The following SWAP70 variants were observed in gnomAD, a reference collection of about 807,000 sequenced individuals.
The protein encoded by SWAP70 is switching B cell complex subunit SWAP70.
SWAP70 carries 34 observed loss-of-function variants against 80.2 expected under a neutral mutation model. The ratio of observed to expected loss-of-function variants is 0.42; its 90% confidence interval spans 0.32 to 0.56. The LOEUF (loss-of-function observed/expected upper bound fraction) is 0.56. Ranked by LOEUF, SWAP70 falls within the 20% of genes least tolerant of loss-of-function variation. The pLI is 0.09. For missense variants in SWAP70, 578 were observed against 690.7 expected, an observed-to-expected ratio of 0.84 and a Z score of 1.83; for synonymous variants, 239 against 238.5, an observed-to-expected ratio of 1.00 and a Z score of -0.02.
At chr11:9,672,951 G>A (rs952214960) in intron 1 of SWAP70, among the ~76,000 whole-genome samples, 2 of 151,922 alleles carry the variant, frequency 1.3e-5, no homozygotes, top group African/African-American at 4.8e-5. Context: ...TTTTTTCTCT[G>A]CTCTCACACC....
At chr11:9,720,635 T>C (rs1023555573) in intron 3 of SWAP70, among the ~76,000 whole-genome samples, 3 of 152,164 alleles carry the variant, frequency 2.0e-5, no homozygotes, top group Non-Finnish European at 4.4e-5. Flanking sequence ...AACTTCGACT[T>C]GTGCCTGTAT....
At chr11:9,671,841 AAT>A (rs1294006023) in intron 1 of SWAP70, among the ~76,000 whole-genome samples, 1 of 105,298 alleles carries the variant, frequency 9.5e-6, no homozygotes, top group Non-Finnish European at 1.7e-5. Flanking sequence ...AATAATATAT[AAT>A]ATATAAAATA....
At chr11:9,668,168 C>G (rs186377916) in intron 1 of SWAP70, among the ~76,000 whole-genome samples, 1 of 152,204 alleles carries the variant, frequency 6.6e-6, no homozygotes, top group African/African-American at 2.4e-5. Context: ...GGATTATAGG[C>G]GTGAGCCACC....
intron 6 of SWAP70, among the ~76,000 whole-genome samples, chr11:9,730,594 T>A (rs1851284846): frequency 6.6e-6 from 1 of 152,164 alleles, no homozygotes; most frequent in African/African-American, 2.4e-5. Context: ...TTTTCCCTTT[T>A]AAGGACTGTG....
chr11:9,665,834 A>AT (rs1461942237), intron 1 of SWAP70, among the ~76,000 whole-genome samples: 1 of 151,778 alleles, frequency 6.6e-6, no homozygotes, highest in Non-Finnish European at 1.5e-5. Flanking sequence ...TTTTACTTTT[A>AT]TTTTTACTTT....
chr11:9,710,996 T>TTTTATTTA (rs71034734), intron 2 of SWAP70, among the ~76,000 whole-genome samples: 30,400 of 148,854 alleles, frequency 0.2, 4,188 homozygotes, highest in Non-Finnish European at 0.3. Flanking sequence ...TGTTTTTTAT[T>TTTTATTTA]TTTATTTATT....
intron 2 of SWAP70, among the ~76,000 whole-genome samples, chr11:9,695,223 G>T (rs1850740267): frequency 6.6e-6 from 1 of 151,960 alleles, no homozygotes; most frequent in African/African-American, 2.4e-5. Context: ...GAACCCGGGA[G>T]GTAGAGCTTG....
intron 7 of SWAP70, among the ~76,000 whole-genome samples, chr11:9,737,881 C>CA (rs1851383911): frequency 6.6e-6 from 1 of 152,140 alleles, no homozygotes. Context: ...GGCGACAGAG[C>CA]AAGACTCAGT....
In SWAP70 at chr11:9,713,588, T is replaced by A. The variant is rs1428301821; in HGVS notation, c.363T>A (p.Ile121=). ...AAGATGCATTTAAAATATGGGTTAT[T>A]TTCAACTTTTTATCTGAGGACAAGT... ...TEEDAFKIWV[I]FNFLSEDKYP... Residue 121 remains isoleucine, a synonymous_variant, in exon 3 of 12, where the codon ATT becomes ATA. Transcript: ENST00000318950. The A allele has an allele frequency of 1.2e-6, 2 of 1,613,940 alleles. No homozygotes were observed. Among genetic ancestry groups the A allele is most frequent in the Non-Finnish European group, 1.7e-6 (2 of 1,179,948 alleles).
At chr11:9,734,748 A>T (rs1851342883) in intron 7 of SWAP70, among the ~76,000 whole-genome samples, 1 of 152,090 alleles carries the variant, frequency 6.6e-6, no homozygotes, top group Non-Finnish European at 1.5e-5. Flanking sequence ...TCAATATCTC[A>T]AGTAGCTGGG....
At position 9,713,594 on chromosome 11, in the gene SWAP70, C is replaced by T. The variant is rs200572589; in HGVS notation, c.369C>T (p.Asn123=). Residue 123 remains asparagine (N), a synonymous_variant, in exon 3 of 12, where the codon AAC becomes AAT. Transcript: ENST00000318950. Reference sequence around the variant, plus strand: ...CATTTAAAATATGGGTTATTTTCAACTTTTTATCTGAGGACAAGTATCCAT... The same window carrying T: ...CATTTAAAATATGGGTTATTTTCAATTTTTTATCTGAGGACAAGTATCCAT... ...EDAFKIWVIF[N]FLSEDKYPLI... is the part of the protein sequence containing the mutation. The T allele has an allele frequency of 3.7e-6, 6 of 1,613,858 alleles. No homozygotes were observed. Among genetic ancestry groups the T allele is most frequent in the Non-Finnish European group, 5.1e-6 (6 of 1,179,914 alleles).
intron 2 of SWAP70, among the ~76,000 whole-genome samples, chr11:9,695,562 T>C (rs547716887): frequency 1.4e-5 from 2 of 143,408 alleles, no homozygotes; most frequent in Non-Finnish European, 3.0e-5. Context: ...TAAGTGGGAG[T>C]TGAACAATGA....
chr11:9,738,173 TA>T, intron 7 of SWAP70, 39 bp from the exon 8 acceptor site: 1 of 1,501,182 alleles, frequency 6.7e-7, no homozygotes, highest in Non-Finnish European at 9.1e-7. Flanking sequence ...ACTTCTACTC[TA>T]ACACCTGCTT....
At chr11:9,709,050 C>T (rs1246565903) in intron 2 of SWAP70, among the ~76,000 whole-genome samples, 1 of 152,118 alleles carries the variant, frequency 6.6e-6, no homozygotes, top group Non-Finnish European at 1.5e-5. Context: ...GGACTATAGG[C>T]ACAAACCACC....
intron 5 of SWAP70, 62 bp from the exon 6 acceptor site, chr11:9,729,281 T>A: frequency 9.9e-7 from 1 of 1,012,792 alleles, no homozygotes; most frequent in Non-Finnish European, 1.5e-6. Context: ...TATAAATAAT[T>A]CAAATTGAAT....
chr11:9,740,553 G>GTT, intron 9 of SWAP70: 1 of 590,906 alleles, frequency 1.7e-6, no homozygotes. Flanking sequence ...GGAAACCCTT[G>GTT]CTTCTGGGGC....
intron 4 of SWAP70, among the ~76,000 whole-genome samples, chr11:9,725,551 ATATATATATATATATATATTTT>A (rs374984966): frequency 0.35 from 19,265 of 55,128 alleles, 2,529 homozygotes; most frequent in Non-Finnish European, 0.46. Flanking sequence ...ATATATATAT[ATATATATATATATATATATTTT>A]TTTTTTTTTT....
chr11:9,694,355 C>T, intron 2 of SWAP70, 69 bp downstream of exon 2: 1 of 1,491,064 alleles, frequency 6.7e-7, no homozygotes, highest in Non-Finnish European at 9.0e-7. Context: ...CCCAAAAGCC[C>T]CCTGTTGGTG....
intron 6 of SWAP70, among the ~76,000 whole-genome samples, chr11:9,731,741 T>C (rs1851301287): frequency 6.6e-6 from 1 of 152,184 alleles, no homozygotes; most frequent in South Asian, 2.1e-4. Context: ...ATATACATAC[T>C]TATTTGTATA....
Sources: gnomAD v4.1 joint callset for allele counts (sites outside exome capture counted in the v4.1 genomes callset) on GRCh38, gnomAD v4.1.1 for gene constraint, MANE v1.5 for transcripts, NCBI Gene and HGNC (gene_info 2026-07-23, HGNC 2026-07-21) for gene names.